Variants in ZC2HC1A observed in about 807,000 individuals in gnomAD.
The protein encoded by ZC2HC1A is zinc finger C2HC-type containing 1A.
In ZC2HC1A, 28 loss-of-function variants were observed where a neutral mutation model predicts 40.7. The observed-to-expected ratio is 0.69, with a 90% CI of 0.51 to 0.94. ZC2HC1A has a LOEUF of 0.94. Ranked by LOEUF, ZC2HC1A falls within the 40% of genes least tolerant of loss-of-function variation. ZC2HC1A has a pLI of 0.00. For synonymous variants in ZC2HC1A, 129 were observed against 129.2 expected, an observed-to-expected ratio of 1.00 and a Z score of 0.01; for missense variants, 389 against 386.3, an observed-to-expected ratio of 1.01 and a Z score of -0.06.
intron 8 of ZC2HC1A, among the ~76,000 whole-genome samples, chr8:78,716,600 A>G (rs1168905794): frequency 6.6e-6 from 1 of 152,208 alleles, no homozygotes; most frequent in Non-Finnish European, 1.5e-5. Context: ...AAGGATCTCT[A>G]TCTTTCCTCA....
intron 7 of ZC2HC1A, among the ~76,000 whole-genome samples, chr8:78,703,737 T>A (rs1810681018): frequency 6.6e-6 from 1 of 152,156 alleles, no homozygotes; most frequent in South Asian, 2.1e-4. Context: ...ATCAAAATAC[T>A]TGCCACTCTG....
chr8:78,678,799 G>T (rs1809669147), intron 3 of ZC2HC1A, 120 bp downstream of exon 3: 1 of 564,098 alleles, frequency 1.8e-6, no homozygotes, highest in East Asian at 3.3e-5. Context: ...TAAGATTAAA[G>T]AATAAATACA....
At chr8:78,689,763 C>G (rs1425629605) in intron 5 of ZC2HC1A, among the ~76,000 whole-genome samples, 2 of 152,036 alleles carry the variant, frequency 1.3e-5, no homozygotes, top group African/African-American at 4.8e-5. Context: ...TGTGACTTGG[C>G]TTTCCATTTT....
chr8:78,697,507 GTAATGA>G lies in ZC2HC1A; in HGVS notation c.604+4_604+9del, dbSNP rs1323589920. ...AGTGGCGCTGGCAAAACTGTTGTAGGTAATGATAGCCGAAAAGCAACTTGATTTGTT... is the reference window on the plus strand; with the variant it reads ...AGTGGCGCTGGCAAAACTGTTGTAGGTAGCCGAAAAGCAACTTGATTTGTT... On this transcript the variant is annotated splice_donor_variant and splice_donor_5th_base_variant and intron_variant, in intron 6 of 8. Transcript: ENST00000263849. LOFTEE classifies it high-confidence loss of function. 3 of 1,601,916 alleles carry G rather than the reference GTAATGA, an allele frequency of 1.9e-6. No homozygotes were observed. Among genetic ancestry groups the G allele is most frequent in the Non-Finnish European group, 2.5e-6 (3 of 1,176,742 alleles).
chr8:78,681,501 T>G (rs7842142), intron 3 of ZC2HC1A, among the ~76,000 whole-genome samples: 104,200 of 151,964 alleles, frequency 0.69, 36,569 homozygotes, highest in East Asian at 0.91. Context: ...TGCATTTATA[T>G]TAATCAGAGA....
At chr8:78,684,785 G>T (rs12679332) in intron 3 of ZC2HC1A, among the ~76,000 whole-genome samples, 2 of 151,862 alleles carry the variant, frequency 1.3e-5, no homozygotes, top group Non-Finnish European at 2.9e-5. Flanking sequence ...GAAATATTTA[G>T]GAATAAGCTT....
intron 5 of ZC2HC1A, among the ~76,000 whole-genome samples, chr8:78,691,020 A>G (rs930656358): frequency 6.6e-6 from 1 of 152,122 alleles, no homozygotes; most frequent in Non-Finnish European, 1.5e-5. Context: ...CATGTCACCT[A>G]TAAATAAGGA....
At chr8:78,682,347 G>A (rs1255595761) in intron 3 of ZC2HC1A, among the ~76,000 whole-genome samples, 9 of 147,144 alleles carry the variant, frequency 6.1e-5, no homozygotes, top group Admixed American at 5.9e-4. Context: ...CGGAGACTGG[G>A]TAATTTATAA....
At position 78,670,285 on chromosome 8, in the gene ZC2HC1A, A is replaced by G. The variant is rs567791220; in HGVS notation, c.16+4121A>G. On this transcript the variant is annotated intron_variant, in intron 1 of 8. Coordinates refer to ENST00000263849, the MANE Select transcript of ZC2HC1A (RefSeq NM_016010.3). ...CTCGGCGGAATGGATGTATTTCAAT[A>G]TAGTGCTTGGCCTGATAATGTCTCC... Among the ~76,000 whole-genome samples, 7 of 152,226 alleles carry G rather than the reference A, an allele frequency of 4.6e-5. No homozygotes were observed. In the South Asian group the frequency reaches 1.5e-3, roughly 32 times the overall value.
chr8:78,674,162 T>A (rs1261777752), intron 1 of ZC2HC1A, among the ~76,000 whole-genome samples: 1 of 152,158 alleles, frequency 6.6e-6, no homozygotes, highest in Non-Finnish European at 1.5e-5. Flanking sequence ...TGTTATTCTG[T>A]CCTTGTGTTA....
intron 2 of ZC2HC1A, among the ~76,000 whole-genome samples, chr8:78,677,393 G>A (rs1037733942): frequency 6.6e-6 from 1 of 151,950 alleles, no homozygotes; most frequent in African/African-American, 2.4e-5. Context: ...CACTAGATAA[G>A]CTCAAGAAAA....
At chr8:78,682,340 A>G (rs1457095259) in intron 3 of ZC2HC1A, among the ~76,000 whole-genome samples, 1 of 152,094 alleles carries the variant, frequency 6.6e-6, no homozygotes, top group Non-Finnish European at 1.5e-5. Context: ...GAAATATCGG[A>G]GACTGGGTAA....
intron 1 of ZC2HC1A, among the ~76,000 whole-genome samples, chr8:78,671,490 G>C (rs1025222602): frequency 3.3e-5 from 5 of 152,092 alleles, no homozygotes; most frequent in African/African-American, 1.2e-4. Flanking sequence ...AAATTTGCTA[G>C]TTTTTGCCAC....
chr8:78,704,695 C>CA (rs1251138912), intron 7 of ZC2HC1A, among the ~76,000 whole-genome samples: 4 of 152,178 alleles, frequency 2.6e-5, no homozygotes, highest in Non-Finnish European at 5.9e-5. Flanking sequence ...ATATGTTTTT[C>CA]AAATTGGTGC....
At position 78,669,206 on chromosome 8, in the gene ZC2HC1A, C is replaced by CAGTAT. The variant is rs1699062384; in HGVS notation, c.16+3044_16+3048dup. Reference sequence around the variant, plus strand: ...GTTGGATGCCAGATATTTTAATAGACAGTATATTGGAGAGGACTGTGTTTG... The same window carrying CAGTAT: ...GTTGGATGCCAGATATTTTAATAGACAGTATAGTATATTGGAGAGGACTGTGTTTG... On this transcript the variant is annotated intron_variant, in intron 1 of 8. Coordinates refer to ENST00000263849, the MANE Select transcript of ZC2HC1A (RefSeq NM_016010.3). 3.9e-5 allele frequency among the ~76,000 whole-genome samples: 6 copies of CAGTAT among 151,988 alleles called. No individual in the cohort carries two copies. The South Asian group carries it at 1.2e-3, about 31-fold the overall frequency.
At chr8:78,688,184 A>ATT (rs1206142162) in intron 4 of ZC2HC1A, among the ~76,000 whole-genome samples, 3 of 151,468 alleles carry the variant, frequency 2.0e-5, no homozygotes, top group Non-Finnish European at 4.4e-5. Context: ...ACTACCTTTT[A>ATT]TTTTCTTCAT....
intron 6 of ZC2HC1A, among the ~76,000 whole-genome samples, chr8:78,697,743 A>G (rs1810472151): frequency 6.6e-6 from 1 of 150,802 alleles, no homozygotes; most frequent in Non-Finnish European, 1.5e-5. Context: ...CAGTGGTGGA[A>G]TCTCAGCTCA....
At chr8:78,701,126 A>C (rs1271078574) in intron 7 of ZC2HC1A, among the ~76,000 whole-genome samples, 1 of 152,240 alleles carries the variant, frequency 6.6e-6, no homozygotes, top group East Asian at 1.9e-4. Context: ...ATCCATGAGC[A>C]TGGAATATTT....
intron 7 of ZC2HC1A, among the ~76,000 whole-genome samples, chr8:78,706,296 TC>T: frequency 6.6e-6 from 1 of 152,314 alleles, no homozygotes; most frequent in South Asian, 2.1e-4. Context: ...CAGCCTTTTT[TC>T]CTAAGGGTAT....
Sources: gnomAD v4.1 joint callset for allele counts (sites outside exome capture counted in the v4.1 genomes callset) on GRCh38, gnomAD v4.1.1 for gene constraint, MANE v1.5 for transcripts, NCBI Gene and HGNC (gene_info 2026-07-23, HGNC 2026-07-21) for gene names.